FCHSD2: variants seen among roughly 807,000 people sequenced by gnomAD.
FCHSD2 encodes the protein F-BAR and double SH3 domains protein 2.
Under a neutral mutation model 108.1 loss-of-function variants are expected in FCHSD2, and 38 were observed. That is an observed-to-expected ratio of 0.35 (90% CI 0.27 to 0.46). The LOEUF is 0.46. Ranked by LOEUF, FCHSD2 falls within the 20% of genes least tolerant of loss-of-function variation. FCHSD2 has a pLI of 1.00. For missense variants in FCHSD2, 751 were observed against 897.8 expected (o/e 0.84, Z 2.09); for synonymous variants, 279 against 314.7 (o/e 0.89, Z 1.20).
At chr11:73,004,665 T>C (rs1857702239) in intron 4 of FCHSD2, among the ~76,000 whole-genome samples, 1 of 152,218 alleles carries the variant, frequency 6.6e-6, no homozygotes, top group Non-Finnish European at 1.5e-5. Context: ...GCTCCTACCT[T>C]GGTTAAATCT....
At chr11:72,938,176 G>GTTT (rs67901943) in intron 8 of FCHSD2, among the ~76,000 whole-genome samples, 1 of 112,562 alleles carries the variant, frequency 8.9e-6, no homozygotes, top group African/African-American at 3.8e-5. Flanking sequence ...TTATGAAGGA[G>GTTT]TTTTTTTTTT....
intron 8 of FCHSD2, among the ~76,000 whole-genome samples, chr11:72,932,810 A>G (rs1223750630): frequency 6.6e-6 from 1 of 152,152 alleles, no homozygotes; most frequent in Non-Finnish European, 1.5e-5. Flanking sequence ...TGTGTTGAGC[A>G]TAGGGTTTGG....
intron 4 of FCHSD2, among the ~76,000 whole-genome samples, chr11:73,004,215 T>C (rs991200326): frequency 1.3e-5 from 2 of 151,634 alleles, no homozygotes; most frequent in African/African-American, 4.8e-5. Flanking sequence ...ACATTTATCA[T>C]ATCATTTAAT....
At chr11:72,913,836 A>AAC (rs1855816027) in intron 9 of FCHSD2, among the ~76,000 whole-genome samples, 1 of 59,740 alleles carries the variant, frequency 1.7e-5, no homozygotes, top group South Asian at 5.2e-4. Flanking sequence ...AAAAAAAAAC[A>AAC]AAAAAAAAAA....
intron 3 of FCHSD2, among the ~76,000 whole-genome samples, chr11:73,039,921 T>C (rs971383132): frequency 1.6e-5 from 1 of 61,156 alleles, no homozygotes; most frequent in African/African-American, 5.7e-5. Context: ...TTAATATTCA[T>C]GAGGATATCA....
intron 3 of FCHSD2, among the ~76,000 whole-genome samples, chr11:73,042,900 T>C (rs1354919469): frequency 6.6e-6 from 1 of 152,220 alleles, no homozygotes; most frequent in Non-Finnish European, 1.5e-5. Context: ...TGTATGGTGA[T>C]TTTGTATCCT....
At chr11:73,038,398 G>A (rs1591503422) in intron 3 of FCHSD2, among the ~76,000 whole-genome samples, 2 of 151,470 alleles carry the variant, frequency 1.3e-5, no homozygotes, top group Admixed American at 1.3e-4. Context: ...GATTCTTAAA[G>A]GGACCTTATA....
At chr11:72,929,733 C>G (rs1856150870) in intron 8 of FCHSD2, among the ~76,000 whole-genome samples, 1 of 152,114 alleles carries the variant, frequency 6.6e-6, no homozygotes, top group Admixed American at 6.5e-5. Context: ...TAAAAATTGT[C>G]CCAAAAATAG....
intron 9 of FCHSD2, among the ~76,000 whole-genome samples, chr11:72,918,728 T>C (rs1168234433): frequency 1.3e-5 from 2 of 152,224 alleles, no homozygotes; most frequent in Non-Finnish European, 1.5e-5. Context: ...AATAACATTG[T>C]TATTTTCTGA....
chr11:73,060,316 T>C (rs536188863), intron 3 of FCHSD2, among the ~76,000 whole-genome samples: 14 of 152,362 alleles, frequency 9.2e-5, no homozygotes, highest in African/African-American at 2.4e-4. Context: ...TTTATTATTA[T>C]TATCTGTCAC....
At chr11:72,975,383 G>A (rs1857085798) in intron 8 of FCHSD2, among the ~76,000 whole-genome samples, 1 of 152,088 alleles carries the variant, frequency 6.6e-6, no homozygotes, top group Admixed American at 6.6e-5. Flanking sequence ...GCCAATGAGA[G>A]GTTGGTTAAT....
intron 10 of FCHSD2, among the ~76,000 whole-genome samples, chr11:72,893,678 C>T (rs753811009): frequency 6.6e-6 from 1 of 151,708 alleles, no homozygotes; most frequent in Non-Finnish European, 1.5e-5. Flanking sequence ...CGTGGTGGCG[C>T]CGGAGGTTGC....
intron 8 of FCHSD2, among the ~76,000 whole-genome samples, chr11:72,983,122 G>A (rs925403100): frequency 2.6e-5 from 4 of 151,818 alleles, no homozygotes; most frequent in African/African-American, 7.3e-5. Context: ...GTGAAACCCC[G>A]TCTCTACTAA....
chr11:72,946,673 A>AAT (rs1386706946), intron 8 of FCHSD2, among the ~76,000 whole-genome samples: 1 of 152,216 alleles, frequency 6.6e-6, no homozygotes, highest in African/African-American at 2.4e-5. Flanking sequence ...TTACCTTTAA[A>AAT]ATACGATGGT....
intron 2 of FCHSD2, among the ~76,000 whole-genome samples, chr11:73,128,930 G>A (rs1362701550): frequency 1.3e-5 from 2 of 152,126 alleles, no homozygotes; most frequent in African/African-American, 2.4e-5. Context: ...GGAGTGTAGT[G>A]GTGTGATCTC....
At chr11:73,001,941 C>A (rs1181621274) in intron 4 of FCHSD2, among the ~76,000 whole-genome samples, 2 of 152,126 alleles carry the variant, frequency 1.3e-5, no homozygotes, top group Non-Finnish European at 2.9e-5. Context: ...ATGCCTTAGT[C>A]AATTCTAGCA....
intron 8 of FCHSD2, among the ~76,000 whole-genome samples, chr11:72,945,732 A>G (rs1428761072): frequency 6.6e-6 from 1 of 152,224 alleles, no homozygotes; most frequent in Non-Finnish European, 1.5e-5. Context: ...AAAAGTGGGC[A>G]AAGGATATGA....
At chr11:72,883,949 A>AT (rs1219252447) in intron 12 of FCHSD2, among the ~76,000 whole-genome samples, 66 of 147,692 alleles carry the variant, frequency 4.5e-4, no homozygotes, top group African/African-American at 1.1e-3. Context: ...AAAAAAAAAA[A>AT]TTTTTTTTAA....
intron 9 of FCHSD2, among the ~76,000 whole-genome samples, chr11:72,913,465 C>T (rs1279307871): frequency 4.6e-5 from 7 of 152,210 alleles, no homozygotes; most frequent in African/African-American, 9.6e-5. Context: ...GACAGGGTTT[C>T]GCCATGTTGG....
Sources: gnomAD v4.1 joint callset for allele counts (sites outside exome capture counted in the v4.1 genomes callset) on GRCh38, gnomAD v4.1.1 for gene constraint, MANE v1.5 for transcripts, NCBI Gene and HGNC (gene_info 2026-07-23, HGNC 2026-07-21) for gene names.